The following TENM1 variants were observed in gnomAD, a reference collection of about 807,000 sequenced individuals.
The protein encoded by TENM1 is teneurin-1.
TENM1 carries 35 observed loss-of-function variants against 174.8 expected under a neutral mutation model. That is an observed-to-expected ratio of 0.20 (90% CI 0.15 to 0.27). The LOEUF is 0.27. Among genes scored for constraint, TENM1 ranks in the 10% least tolerant of loss-of-function variants. The pLI, the probability that TENM1 is intolerant of heterozygous loss-of-function variation, is 1.00. For synonymous variants in TENM1, 781 were observed against 798.7 expected (o/e 0.98, Z 0.37); for missense variants, 1,633 against 2,130.1 (o/e 0.77, Z 4.59).
intron 3 of TENM1, among the ~76,000 whole-genome samples, chrX:124,834,374 A>T (rs57272042): frequency 0.026 from 2,940 of 111,366 alleles, 31 homozygotes; most frequent in Middle Eastern, 0.057. Context: ...GTTTCGCCAC[A>T]TGGCCCAGGT....
rs767332509 is a variant in TENM1, at chrX:124,409,443, A to C, written c.4983-2954T>G. ...TACTGAATGGGCAAAAACTGGAAGC[A>C]TTCCCTTTGAAAACTGGCACAAGAC... On this transcript the variant is annotated intron_variant, in intron 25 of 31. Coordinates refer to ENST00000422452, the Ensembl canonical transcript of TENM1. 9.5e-3 allele frequency among the ~76,000 whole-genome samples: 1,025 copies of C among 108,067 alleles called. 12 individuals carry two copies. The highest frequency in any genetic ancestry group is 0.033 in the African/African-American group (971 of 29,414). 93.8% of individuals were successfully genotyped at this position (108,067 alleles called of 115,157 possible). A position where few individuals can be genotyped will look rare whatever the true frequency, so the allele number is the denominator to read the frequency against.
intron 3 of TENM1, among the ~76,000 whole-genome samples, chrX:124,764,872 A>G (rs1012643085): frequency 1.8e-5 from 2 of 110,974 alleles, no homozygotes; most frequent in Admixed American, 9.6e-5. Context: ...TTGCCATTCA[A>G]CAGACCCACT....
chrX:124,562,176 G>C (rs1426424003), intron 13 of TENM1, among the ~76,000 whole-genome samples: 1 of 111,384 alleles, frequency 9.0e-6, no homozygotes, highest in African/African-American at 3.3e-5. Context: ...TCTAGTTATG[G>C]CCAATATGTT....
At chrX:124,747,250 A>G (rs1188002502) in intron 3 of TENM1, among the ~76,000 whole-genome samples, 1 of 109,755 alleles carries the variant, frequency 9.1e-6, no homozygotes, top group African/African-American at 3.3e-5. Context: ...ATTGAACAAC[A>G]GTGAATGCAG....
At chrX:124,384,507 T>C in exon 30 of TENM1, 1 of 1,210,927 alleles carries the variant, frequency 8.3e-7, no homozygotes, top group Non-Finnish European at 1.1e-6. Context: ...ATGTCACATA[T>C]TACCATGCGG....
At chrX:125,174,856 CTGT>C in the TENM1 span, among the ~76,000 whole-genome samples, 13 of 111,821 alleles carry the variant, frequency 1.2e-4, no homozygotes, top group Non-Finnish European at 5.7e-5. Flanking sequence ...CACTTACCTA[CTGT>C]GTAACGTTAC....
intron 3 of TENM1, among the ~76,000 whole-genome samples, chrX:124,810,211 C>G (rs1250249394): frequency 9.0e-6 from 1 of 111,466 alleles, no homozygotes; most frequent in East Asian, 2.8e-4. Context: ...AAAATTCTAT[C>G]CAGAATAATT....
chrX:124,763,472 T>C (rs1334170311), intron 3 of TENM1, among the ~76,000 whole-genome samples: 1 of 110,653 alleles, frequency 9.0e-6, no homozygotes, highest in African/African-American at 3.3e-5. Flanking sequence ...GAAAGTCACT[T>C]CTCTCAAAAG....
intron 3 of TENM1, among the ~76,000 whole-genome samples, chrX:124,804,997 G>C (rs1237592837): frequency 8.9e-6 from 1 of 112,097 alleles, no homozygotes; most frequent in Non-Finnish European, 1.9e-5. Flanking sequence ...AGAGGAGAGA[G>C]AGTGTATTCA....
chrX:125,023,777 C>T, the TENM1 span, among the ~76,000 whole-genome samples: 1,513 of 111,322 alleles, frequency 0.014, 18 homozygotes, highest in African/African-American at 0.047. Context: ...TCTTACTATC[C>T]ATTAAAATAT....
intron 3 of TENM1, among the ~76,000 whole-genome samples, chrX:124,874,746 T>TAATA (rs1382411353): frequency 9.0e-6 from 1 of 110,901 alleles, no homozygotes; most frequent in East Asian, 2.8e-4. Context: ...GCAACTTTAT[T>TAATA]GTTTTCTGCA....
At position 124,525,598 on chromosome X, in the gene TENM1, TTC is replaced by T. The variant is rs773050057; in HGVS notation, c.2772-1975_2772-1974del. Among the ~76,000 whole-genome samples, 691 of 112,095 alleles carry T rather than the reference TTC, an allele frequency of 6.2e-3. 3 individuals carry two copies. The highest frequency in any genetic ancestry group is 0.021 in the African/African-American group (654 of 30,903). The stretch of plus-strand genomic sequence containing the variant: ...TAAAAACATAGGTGCCTGGAAATTA[TTC>T]TCTCTCTTTTTAAAAAAAAACTTTT... On this transcript the variant is annotated intron_variant, in intron 16 of 31. Transcript: ENST00000422452.
chrX:124,740,204 C>T (rs1046168491), intron 3 of TENM1, among the ~76,000 whole-genome samples: 4 of 111,615 alleles, frequency 3.6e-5, no homozygotes, highest in Non-Finnish European at 7.5e-5. Context: ...AGGTCTTGTG[C>T]TCAGAACCCC....
the TENM1 span, among the ~76,000 whole-genome samples, chrX:125,177,369 A>C: frequency 8.9e-6 from 1 of 112,277 alleles, no homozygotes; most frequent in Non-Finnish European, 1.9e-5. Context: ...CATATGTCAG[A>C]CATTGAATGA....
chrX:125,168,719 G>C, the TENM1 span, among the ~76,000 whole-genome samples: 1 of 110,695 alleles, frequency 9.0e-6, no homozygotes, highest in Non-Finnish European at 1.9e-5. Context: ...GAAACAAACT[G>C]CCATGAATTC....
chrX:125,128,854 T>C, the TENM1 span, among the ~76,000 whole-genome samples: 1 of 111,819 alleles, frequency 8.9e-6, no homozygotes, highest in Non-Finnish European at 1.9e-5. Context: ...AACATTATTG[T>C]GCTGATGCTG....
In TENM1 at chrX:124,899,163, C is replaced by T. The variant is rs151107327; in HGVS notation, c.218-2922G>A. Among the ~76,000 whole-genome samples, 221 of 111,313 alleles carry T rather than the reference C, an allele frequency of 2.0e-3. 1 individual carries two copies. Among genetic ancestry groups the T allele is most frequent in the African/African-American group, 6.8e-3 (209 of 30,677 alleles). On this transcript the variant is annotated intron_variant, in intron 1 of 31. Transcript: ENST00000422452. ...TGCATTATCTATAAAGCACTTACAA[C>T]GCACCACAAGTAGTTGTTTTCTAGC...
intron 27 of TENM1, among the ~76,000 whole-genome samples, chrX:124,395,458 C>T (rs905517537): frequency 9.1e-6 from 1 of 110,311 alleles, no homozygotes; most frequent in African/African-American, 3.3e-5. Context: ...ATGTTCCATG[C>T]CATGAATTGT....
At position 124,458,719 on chromosome X, in the gene TENM1, A is replaced by C. The variant is rs1027516785; in HGVS notation, c.3950-5228T>G. ...GAACAATAAATTTGTGGGCTAGTTA[A>C]CCAAGAATTCTGATTGAGAGAAAGA... On this transcript the variant is annotated intron_variant, in intron 22 of 31. Coordinates refer to ENST00000422452, the Ensembl canonical transcript of TENM1. 8.0e-5 allele frequency among the ~76,000 whole-genome samples: 9 copies of C among 112,050 alleles called. No individual in the cohort carries two copies. The East Asian group carries it at 2.0e-3, about 25-fold the overall frequency.
Sources: gnomAD v4.1 joint callset for allele counts (sites outside exome capture counted in the v4.1 genomes callset) on GRCh38, gnomAD v4.1.1 for gene constraint, MANE v1.5 for transcripts, NCBI Gene and HGNC (gene_info 2026-07-23, HGNC 2026-07-21) for gene names.